ACTR1A: variants seen among roughly 807,000 people sequenced by gnomAD.
ACTR1A encodes the protein alpha-centractin.
In ACTR1A, 10 loss-of-function variants were observed where a neutral mutation model predicts 50.7. The observed-to-expected ratio is 0.20, with a 90% CI of 0.12 to 0.33. The LOEUF (loss-of-function observed/expected upper bound fraction) is 0.33. ACTR1A is among the 10% of genes least tolerant of loss of function. The pLI is 1.00. For synonymous variants in ACTR1A, 177 were observed against 184.2 expected (o/e 0.96, Z 0.32); for missense variants, 253 against 491.7 (o/e 0.51, Z 4.59).
chr10:102,496,701 T>C (rs1488231269), intron 1 of ACTR1A, among the ~76,000 whole-genome samples: 3 of 152,178 alleles, frequency 2.0e-5, no homozygotes, highest in Non-Finnish European at 2.9e-5. Flanking sequence ...CTCAGCTAAT[T>C]CTAGTGTCCC....
intron 6 of ACTR1A, chr10:102,483,698 G>T (rs2062153972): frequency 5.8e-6 from 1 of 171,684 alleles, no homozygotes; most frequent in Admixed American, 5.5e-5. Flanking sequence ...AATTAGTGGG[G>T]TGTGGTGGCA....
In ACTR1A at chr10:102,485,592, A is replaced by G; in HGVS notation, c.440+17T>C. ...CTGCTTTCCCCGCAGGGGCCGGGCT[A>G]GCCAGCTGCTACTCACAGGCTGAGT... On this transcript the variant is annotated intron_variant, in intron 5 of 10. Coordinates refer to ENST00000369905, the MANE Select transcript of ACTR1A (RefSeq NM_005736.4). 1.9e-6 allele frequency: 3 copies of G among 1,612,952 alleles called. No individual in the cohort carries two copies. Among genetic ancestry groups the G allele is most frequent in the South Asian group, 2.2e-5 (2 of 91,042 alleles).
intron 1 of ACTR1A, among the ~76,000 whole-genome samples, chr10:102,494,893 C>A (rs1261806928): frequency 6.6e-6 from 1 of 152,126 alleles, no homozygotes; most frequent in Admixed American, 6.5e-5. Context: ...TCACTGTAAC[C>A]TCCGCCTCCT....
chr10:102,483,015 A>G lies in ACTR1A; in HGVS notation c.746T>C (p.Ile249Thr), dbSNP rs759565197. Residue 249 changes from isoleucine (I) to threonine (T), a missense_variant, in exon 7 of 11, where the codon ATT (isoleucine) becomes ACT (threonine). Physicochemically the swap from Ile to Thr is moderately conservative, Grantham distance 89 (BLOSUM62 -1). Coordinates refer to ENST00000369905, the MANE Select transcript of ACTR1A (RefSeq NM_005736.4). The part of the protein sequence containing the change: ...AQYYLPDGST[I>T]EIGPSRFRAP... ...GAAAGAAGGCAGGCCACCTACCTCA[A>G]TGGTGCTGCCATCAGGCAGGTAGTA... 1 of 1,613,502 alleles carries G rather than the reference A, an allele frequency of 6.2e-7. No homozygotes were observed.
intron 1 of ACTR1A, among the ~76,000 whole-genome samples, chr10:102,501,726 G>C (rs1476511455): frequency 6.6e-6 from 1 of 152,190 alleles, no homozygotes; most frequent in African/African-American, 2.4e-5. Flanking sequence ...GTAACACGAA[G>C]ATCAAAGTTC....
rs17114563 is a variant in ACTR1A at position 102,489,468 on chromosome 10, T to C, written c.114-330A>G. Among the ~76,000 whole-genome samples the C allele has an allele frequency of 8.8e-3, 1,337 of 152,274 alleles. 18 individuals are homozygous for C. Among genetic ancestry groups the C allele is most frequent in the African/African-American group, 0.03 (1,260 of 41,574 alleles). On this transcript the variant is annotated intron_variant, in intron 2 of 10. Coordinates refer to ENST00000369905, the MANE Select transcript of ACTR1A (RefSeq NM_005736.4). ...GAAATGAGAATTTCTAAAGGAGTGA[T>C]TAACTCAAAACATTTTAGTGTCCTT...
At position 102,479,376 on chromosome 10, in the gene ACTR1A, G is replaced by A. The variant is rs890365371; in HGVS notation, c.*1487C>T. On this transcript the variant is annotated 3_prime_UTR_variant, in exon 11 of 11. Coordinates refer to ENST00000369905, the MANE Select transcript of ACTR1A (RefSeq NM_005736.4). The surrounding 1 kb of genome is among the most constrained non-coding windows in gnomAD (Gnocchi z 4.0). ...ACTGCAGTCCGCGGGGCGCTACGTTGCTTTCACACATACCTGCTGCTGTGG... is the reference window on the plus strand; with the variant it reads ...ACTGCAGTCCGCGGGGCGCTACGTTACTTTCACACATACCTGCTGCTGTGG... 8 of 368,720 alleles carry A rather than the reference G, an allele frequency of 2.2e-5. No homozygotes were observed. Among genetic ancestry groups the A allele is most frequent in the African/African-American group, 6.4e-5 (3 of 47,060 alleles). The allele number at this position is 368,720 out of a possible 1,614,324, so 22.8% of individuals were successfully genotyped here.
chr10:102,487,815 T>A (rs895991028), intron 4 of ACTR1A, among the ~76,000 whole-genome samples: 2 of 152,034 alleles, frequency 1.3e-5, no homozygotes, highest in South Asian at 4.2e-4. Context: ...GTATTTTTAG[T>A]GGAGACAGGG....
chr10:102,488,085 C>G lies in ACTR1A; in HGVS notation c.315+65G>C. 6.4e-7 allele frequency: 1 copy of G among 1,560,188 alleles called. No homozygotes were observed. The highest frequency in any genetic ancestry group is 8.8e-7 in the Non-Finnish European group (1 of 1,138,490). ...GTGATCATCGTCCTCCTCATCATCT[C>G]TAGGGTAGGAGTTTGACACAGCTTT... On this transcript the variant is annotated intron_variant, in intron 4 of 10. Coordinates refer to ENST00000369905, the MANE Select transcript of ACTR1A (RefSeq NM_005736.4). The surrounding 1 kb of genome is among the most constrained non-coding windows in gnomAD (Gnocchi z 4.4).
chr10:102,488,186 G>C lies in ACTR1A; in HGVS notation c.279C>G (p.Val93=), dbSNP rs377366791. Residue 93 remains valine (V), a synonymous_variant, in exon 4 of 11, where the codon GTC becomes GTG. Transcript: ENST00000369905. This position sits in a 1 kb window ranked among gnomAD's most constrained non-coding sequence, Gnocchi z 4.4. The part of the protein sequence containing the change: ...WNDMERIWQY[V]YSKDQLQTFS... ...AAGTCTGCAGCTGGTCCTTAGAATAGACATATTGCCAAATGCGTTCCATGT... is the reference window on the plus strand; with the variant it reads ...AAGTCTGCAGCTGGTCCTTAGAATACACATATTGCCAAATGCGTTCCATGT... 107 of 1,613,828 alleles carry C rather than the reference G, an allele frequency of 6.6e-5. No homozygotes were observed. Among genetic ancestry groups the C allele is most frequent in the Non-Finnish European group, 9.0e-5 (106 of 1,179,892 alleles).
Position 102,479,525 on chromosome 10 carries a change from CT to C in ACTR1A, c.*1337del. 2.0e-6 allele frequency: 2 copies of C among 1,014,852 alleles called. No individual in the cohort carries two copies. Among genetic ancestry groups the C allele is most frequent in the Non-Finnish European group, 2.7e-6 (2 of 752,374 alleles). 62.9% of individuals were successfully genotyped at this position (1,014,852 alleles called of 1,614,324 possible). On this transcript the variant is annotated 3_prime_UTR_variant, in exon 11 of 11. Coordinates refer to ENST00000369905, the MANE Select transcript of ACTR1A (RefSeq NM_005736.4). This position sits in a 1 kb window ranked among gnomAD's most constrained non-coding sequence, Gnocchi z 4.0. ...GCCGGTGAAGACAGGCTGGCCCCAG[CT>C]TTGCACCATCTAGGCTGAAGGCCTT...
chr10:102,496,972 A>T (rs2062225317), intron 1 of ACTR1A, among the ~76,000 whole-genome samples: 1 of 152,192 alleles, frequency 6.6e-6, no homozygotes, highest in Non-Finnish European at 1.5e-5. Context: ...TGAGGCCAGA[A>T]GTTCGAGACC....
In ACTR1A at chr10:102,480,686, G is replaced by A; in HGVS notation, c.*177C>T. 1.6e-6 allele frequency: 1 copy of A among 631,654 alleles called. No individual in the cohort carries two copies. Among genetic ancestry groups the A allele is most frequent in the Non-Finnish European group, 2.8e-6 (1 of 351,462 alleles). 39.1% of individuals were successfully genotyped at this position (631,654 alleles called of 1,614,324 possible). A position where few individuals can be genotyped will look rare whatever the true frequency, so the allele number is the denominator to read the frequency against. On this transcript the variant is annotated 3_prime_UTR_variant, in exon 11 of 11. Transcript: ENST00000369905. Reference sequence around the variant, plus strand: ...CCTCAGGCCATCACCACTGCAGGTAGTTCATCGTCCTTTCTGGGCCCAGGG... The same window carrying A: ...CCTCAGGCCATCACCACTGCAGGTAATTCATCGTCCTTTCTGGGCCCAGGG...
intron 1 of ACTR1A, among the ~76,000 whole-genome samples, chr10:102,495,158 T>C (rs1325607653): frequency 6.6e-6 from 1 of 152,022 alleles, no homozygotes; most frequent in African/African-American, 2.4e-5. Context: ...GGGTCCATAG[T>C]CCTTGCTACT....
In ACTR1A at chr10:102,487,252, C is replaced by T. The variant is rs145277035; in HGVS notation, c.315+898G>A. On this transcript the variant is annotated intron_variant, in intron 4 of 10. Transcript: ENST00000369905. Reference sequence around the variant, plus strand: ...GCAACATGGCAAAACCTTGTCTCTACAAAAAATACAAAATTTGCCAGGTGC... The same window carrying T: ...GCAACATGGCAAAACCTTGTCTCTATAAAAAATACAAAATTTGCCAGGTGC... Among the ~76,000 whole-genome samples the T allele has an allele frequency of 1.9e-3, 285 of 152,234 alleles. 3 individuals are homozygous for T. Among genetic ancestry groups the T allele is most frequent in the African/African-American group, 6.5e-3 (269 of 41,544 alleles).
chr10:102,490,635 T>C, intron 1 of ACTR1A, 22 bp from the exon 2 acceptor site: 1 of 1,593,318 alleles, frequency 6.3e-7, no homozygotes, highest in Non-Finnish European at 8.6e-7. Flanking sequence ...GGAGAGAGAA[T>C]GAGGAGTCAG....
chr10:102,481,032 C>T, intron 10 of ACTR1A, 67 bp from the exon 11 acceptor site: 1 of 1,581,990 alleles, frequency 6.3e-7, no homozygotes, highest in East Asian at 2.2e-5. Flanking sequence ...CTACCAGTCC[C>T]CTGGGGCCAA....
At chr10:102,485,961 C>A (rs371986814) in intron 4 of ACTR1A, among the ~76,000 whole-genome samples, 150 of 152,310 alleles carry the variant, frequency 9.8e-4, no homozygotes, top group African/African-American at 3.3e-3. Flanking sequence ...GCTGTGCCCC[C>A]CAACTCCCCT....
At chr10:102,501,106 A>AT (rs938263110) in intron 1 of ACTR1A, among the ~76,000 whole-genome samples, 8 of 151,858 alleles carry the variant, frequency 5.3e-5, no homozygotes, top group Non-Finnish European at 1.0e-4. Flanking sequence ...GAGCTGTCTC[A>AT]TTGAGCTCAA....
Sources: allele counts gnomAD v4.1 joint callset (sites outside exome capture counted in the v4.1 genomes callset), GRCh38; gene constraint gnomAD v4.1.1; non-coding constraint Gnocchi (gnomAD v3.1); transcripts MANE v1.5; gene names NCBI Gene and HGNC (gene_info 2026-07-23, HGNC 2026-07-21).